The following RAB11FIP1 variants were observed in gnomAD, a reference collection of about 807,000 sequenced individuals.
RAB11FIP1 encodes the protein rab11 family-interacting protein 1.
RAB11FIP1 carries 49 observed loss-of-function variants against 83.1 expected under a neutral mutation model. The ratio of observed to expected loss-of-function variants is 0.59; its 90% CI spans 0.47 to 0.75. The LOEUF is 0.75. RAB11FIP1 is among the 30% of genes least tolerant of loss of function. The pLI, the probability that RAB11FIP1 is intolerant of heterozygous loss-of-function variation, is 0.00. For missense variants in RAB11FIP1, 1,536 were observed against 1,598.7 expected, an observed-to-expected ratio of 0.96 and a Z score of 0.67; for synonymous variants, 670 against 656.0, an observed-to-expected ratio of 1.02 and a Z score of -0.33.
At chr8:37,870,601 C>T (rs1281432399) in intron 4 of RAB11FIP1, 73 bp from the exon 5 acceptor site, 11 of 763,582 alleles carry the variant, frequency 1.4e-5, no homozygotes, top group East Asian at 2.7e-5. Flanking sequence ...ACTGCAAAGA[C>T]GGCAGCCAGT....
chr8:37,874,704 C>A lies in RAB11FIP1; in HGVS notation c.1433G>T (p.Gly478Val), dbSNP rs199964996. 8.7e-6 allele frequency: 14 copies of A among 1,613,968 alleles called. No homozygotes were observed. The highest frequency in any genetic ancestry group is 6.7e-5 in the Admixed American group (4 of 59,998). Residue 478 changes from glycine (G) to valine (V), a missense_variant, in exon 3 of 6, where the codon GGG becomes GTG. Gly to Val is a moderately radical substitution (Grantham distance 109, BLOSUM62 -3). Coordinates refer to ENST00000330843, the MANE Select transcript of RAB11FIP1 (RefSeq NM_001002814.3). ...TCTTCTCACAAGGTCTTCAGCAGGC[C>A]CCGATGCGTCCTCCCCCGGCTTAAC... The part of the protein sequence containing the change: ...MGVKPGEDAS[G>V]PAEDLVRRSE...
In RAB11FIP1 at chr8:37,874,512, C is replaced by A. The variant is rs1352744819; in HGVS notation, c.1622+3G>T. 3 of 1,612,868 alleles carry A rather than the reference C, an allele frequency of 1.9e-6. No individual in the cohort carries two copies. Among genetic ancestry groups the A allele is most frequent in the Non-Finnish European group, 2.5e-6 (3 of 1,179,026 alleles). On this transcript the variant is annotated splice_donor_region_variant and intron_variant, in intron 3 of 5. Transcript: ENST00000330843. The stretch of plus-strand genomic sequence containing the variant: ...GCCCTGCACGAGAAGAGCCAAAACT[C>A]ACCGGGGCTTGACAGCTCTGGTCTG...
chr8:37,895,253 ATATATATTTTTTTTTTTTTTTTTTTT>A (rs1315339453), intron 1 of RAB11FIP1, among the ~76,000 whole-genome samples: 14 of 12,974 alleles, frequency 1.1e-3, no homozygotes, highest in African/African-American at 5.6e-3. Flanking sequence ...ATATATATAT[ATATATATTTTTTTTTTTTTTTTTTTT>A]TTTTTTTTTT....
chr8:37,888,623 C>T (rs1474109657), intron 1 of RAB11FIP1, among the ~76,000 whole-genome samples: 1 of 151,848 alleles, frequency 6.6e-6, no homozygotes, highest in Non-Finnish European at 1.5e-5. Flanking sequence ...GGATTACAGG[C>T]GTGCACCACC....
intron 5 of RAB11FIP1, among the ~76,000 whole-genome samples, chr8:37,867,287 C>A (rs1806358436): frequency 6.6e-6 from 1 of 152,212 alleles, no homozygotes; most frequent in African/African-American, 2.4e-5. Context: ...AGAAGCCAGG[C>A]AAGCTGGTTG....
chr8:37,898,941 C>A, intron 1 of RAB11FIP1, 130 bp downstream of exon 1: 6 of 979,626 alleles, frequency 6.1e-6, no homozygotes, highest in Non-Finnish European at 8.4e-6. Flanking sequence ...CAGCACCGGC[C>A]GAGGGCTCCG....
In RAB11FIP1 at chr8:37,859,278, G is replaced by A. The variant is rs1384165459; in HGVS notation, c.*3617C>T. The A allele has an allele frequency of 6.6e-6, 1 of 152,182 alleles. No individual in the cohort carries two copies. Among genetic ancestry groups the A allele is most frequent in the Non-Finnish European group, 1.5e-5 (1 of 68,042 alleles). The allele number at this position is 152,182 out of a possible 1,614,324, so 9.4% of individuals were successfully genotyped here. A position where few individuals can be genotyped will look rare whatever the true frequency, so the allele number is the denominator to read the frequency against. ...AAAAAAAGTTGACTGGGAGAAGGGT[G>A]GGAGGGAGGATGGTGCGTCATTTAA... On this transcript the variant is annotated 3_prime_UTR_variant, in exon 6 of 6. Transcript: ENST00000330843.
chr8:37,889,693 T>A (rs1426479964), intron 1 of RAB11FIP1, among the ~76,000 whole-genome samples: 1 of 152,242 alleles, frequency 6.6e-6, no homozygotes, highest in Non-Finnish European at 1.5e-5. Flanking sequence ...ACTCCCATAC[T>A]TCTTGCCATG....
Position 37,874,557 on chromosome 8 carries a change from A to G in RAB11FIP1, c.1580T>C (p.Ile527Thr). The G allele has an allele frequency of 1.2e-6, 2 of 1,614,230 alleles. No individual in the cohort carries two copies. Among genetic ancestry groups the G allele is most frequent in the Non-Finnish European group, 1.7e-6 (2 of 1,180,034 alleles). Residue 527 changes from isoleucine to threonine, a missense_variant, in exon 3 of 6, where the codon ATT becomes ACT. Transcript: ENST00000330843. ...GGTCTGGGGAGCCCTCGGAGAGGAA[A>G]TTGGAGGTCTCGGTTCAGACTTGGA... ...PESKSEPRPP[I>T]SSPRAPQTRA...
intron 4 of RAB11FIP1, 157 bp downstream of exon 4, chr8:37,871,121 G>T (rs904304635): frequency 2.6e-5 from 22 of 854,854 alleles, no homozygotes; most frequent in Admixed American, 1.2e-4. Flanking sequence ...AGTGTCTTGA[G>T]GTATTACCAC....
intron 3 of RAB11FIP1, among the ~76,000 whole-genome samples, chr8:37,874,057 G>A (rs935812164): frequency 5.9e-5 from 9 of 152,218 alleles, no homozygotes; most frequent in African/African-American, 1.2e-4. Flanking sequence ...ACAAAGAACC[G>A]TCACTGTCAC....
rs112232259 is a variant in RAB11FIP1 at position 37,872,141 on chromosome 8, G to A, written c.2661C>T (p.Leu887=). 2.3e-5 allele frequency: 37 copies of A among 1,613,956 alleles called. 3 individuals are homozygous for A. In the African/African-American group the frequency reaches 2.9e-4, roughly 13 times the overall value. Residue 887 remains leucine (L), a synonymous_variant, in exon 4 of 6, where the codon CTC becomes CTT. Transcript: ENST00000330843. ...CGGAGAAACTCTCCTCCTGGGAGGG[G>A]AGGAGGAGGTGATCCGCTGGGGAGG... ...APASPADHLL[L]PSQEESFSEV...
chr8:37,871,796 G>C lies in RAB11FIP1; in HGVS notation c.3006C>G (p.Gly1002=). 1.2e-6 allele frequency: 2 copies of C among 1,614,090 alleles called. No individual in the cohort carries two copies. The highest frequency in any genetic ancestry group is 1.7e-6 in the Non-Finnish European group (2 of 1,179,996). The change falls in exon 4 of 6, where the codon GGC becomes GGG. Residue 1002 remains glycine, a synonymous_variant. Coordinates refer to ENST00000330843, the MANE Select transcript of RAB11FIP1 (RefSeq NM_001002814.3). Reference sequence around the variant, plus strand: ...CCCTCTCAGGACAGGGGACTACCAAGCCCAAGGACAAAGCTCCTATGTCCA... The same window carrying C: ...CCCTCTCAGGACAGGGGACTACCAACCCCAAGGACAAAGCTCCTATGTCCA... The part of the protein sequence containing the change: ...STLDIGALSL[G]LVVPCPERGK...
chr8:37,898,235 G>A (rs1282837021), intron 1 of RAB11FIP1, among the ~76,000 whole-genome samples: 2 of 152,256 alleles, frequency 1.3e-5, no homozygotes, highest in African/African-American at 2.4e-5. Flanking sequence ...CCCAGGCCCG[G>A]CGCGGTGGCT....
intron 5 of RAB11FIP1, among the ~76,000 whole-genome samples, chr8:37,863,647 G>A (rs183970356): frequency 2.6e-3 from 401 of 152,338 alleles, no homozygotes; most frequent in Admixed American, 4.1e-3. Flanking sequence ...GCGGGCCACA[G>A]ACAGCCTTTG....
At chr8:37,863,234 TTTTC>T (rs57240247) in intron 5 of RAB11FIP1, 121 bp from the exon 6 acceptor site, 398,240 of 591,318 alleles carry the variant, frequency 0.67, 139,066 homozygotes, top group East Asian at 0.96. Flanking sequence ...TGGGAATCCA[TTTTC>T]TTTCTTTCTT....
In RAB11FIP1 at chr8:37,878,569, CACAA is replaced by C. The variant is rs1225722286; in HGVS notation, c.372-1022_372-1019del. ...AAAAAAAAAAAAAGCAAAGATCATA[CACAA>C]ACAGTTAAGAAGGGTGGCGTGCAAA... On this transcript the variant is annotated intron_variant, in intron 1 of 5. Transcript: ENST00000330843. Among the ~76,000 whole-genome samples the C allele has an allele frequency of 3.1e-5, 4 of 130,988 alleles. No homozygotes were observed. In the South Asian group the frequency reaches 1.0e-3, roughly 33 times the overall value. 85.9% of individuals were successfully genotyped at this position (130,988 alleles called of 152,430 possible).
chr8:37,899,329 G>T lies in RAB11FIP1; in HGVS notation c.113C>A (p.Thr38Lys). 6.2e-7 allele frequency: 1 copy of T among 1,609,206 alleles called. No homozygotes were observed. Among genetic ancestry groups the T allele is most frequent in the Non-Finnish European group, 8.5e-7 (1 of 1,178,596 alleles). Residue 38 changes from threonine to lysine, a missense_variant, in exon 1 of 6, where the codon ACG becomes AAG. Transcript: ENST00000330843. This position sits in a 1 kb window ranked among gnomAD's most constrained non-coding sequence, Gnocchi z 4.5. Reference sequence around the variant, plus strand: ...CTGGATCACCGCGTACGCGTCGCTCGTGCCCCCGGGGCCCTTGGCCCGCAG... The same window carrying T: ...CTGGATCACCGCGTACGCGTCGCTCTTGCCCCCGGGGCCCTTGGCCCGCAG... The part of the protein sequence containing the change: ...RGLRAKGPGG[T>K]SDAYAVIQVG...
intron 1 of RAB11FIP1, among the ~76,000 whole-genome samples, chr8:37,880,938 A>C (rs144803278): frequency 6.6e-6 from 1 of 152,262 alleles, no homozygotes; most frequent in East Asian, 1.9e-4. Flanking sequence ...AAGGTAGTGG[A>C]CTTAAAGGAA....
Sources: gnomAD v4.1 joint callset for allele counts (sites outside exome capture counted in the v4.1 genomes callset) on GRCh38, gnomAD v4.1.1 for gene constraint, Gnocchi (gnomAD v3.1) non-coding constraint, MANE v1.5 for transcripts, NCBI Gene and HGNC (gene_info 2026-07-23, HGNC 2026-07-21) for gene names.